The following CDC14A variants were observed in gnomAD, a reference collection of about 807,000 sequenced individuals.
CDC14A encodes cell division cycle 14A.
A neutral mutation model predicts 74.4 loss-of-function variants in CDC14A; 53 were observed. That is an observed-to-expected ratio of 0.71 (90% confidence interval 0.57 to 0.89). CDC14A has a LOEUF of 0.89. CDC14A is among the 40% of genes least tolerant of loss of function. The probability of loss-of-function intolerance (pLI) is 0.00; values close to 1 mark genes in which losing one functional copy is unlikely to be tolerated. For synonymous variants in CDC14A, 247 were observed against 258.4 expected (o/e 0.96, Z 0.43); for missense variants, 646 against 713.7 (o/e 0.91, Z 1.08).
In CDC14A at chr1:100,352,937, G is replaced by T. The variant is rs1227143337; in HGVS notation, c.-18G>T. On this transcript the variant is annotated 5_prime_UTR_variant, in exon 1 of 16. Coordinates refer to ENST00000336454, the MANE Select transcript of CDC14A (RefSeq NM_003672.4). Reference sequence around the variant, plus strand: ...GCTGGCCACGACCCAGCCCTCCCCCGTGCGTATCTCGCTTAAGATGGCAGC... The same window carrying T: ...GCTGGCCACGACCCAGCCCTCCCCCTTGCGTATCTCGCTTAAGATGGCAGC... 6.2e-7 allele frequency: 1 copy of T among 1,613,672 alleles called. No homozygotes were observed. Among genetic ancestry groups the T allele is most frequent in the Non-Finnish European group, 8.5e-7 (1 of 1,180,000 alleles).
rs1204201504 is a variant in CDC14A at position 100,455,499 on chromosome 1, T to G, written c.607+7T>G. ...AAAAGCAAAATTGAGAATGGTAGGT[T>G]TTTTTTTCCTTTACCATCCAAACAT... is the stretch of plus-strand genomic sequence containing the variant. On this transcript the variant is annotated splice_region_variant and intron_variant, in intron 8 of 15. Transcript: ENST00000336454. 6.7e-7 allele frequency: 1 copy of G among 1,491,074 alleles called. No individual in the cohort carries two copies. The highest frequency in any genetic ancestry group is 2.0e-5 in the Admixed American group (1 of 50,364). The allele number at this position is 1,491,074 out of a possible 1,614,324, so 92.4% of individuals were successfully genotyped here. A position where few individuals can be genotyped will look rare whatever the true frequency, so the allele number is the denominator to read the frequency against.
chr1:100,462,038 T>C (rs2101218979), intron 8 of CDC14A, among the ~76,000 whole-genome samples: 1 of 152,346 alleles, frequency 6.6e-6, no homozygotes, highest in East Asian at 1.9e-4. Context: ...TACTCCTTTC[T>C]AACTGAAATT....
chr1:100,391,074 G>GTAT, intron 4 of CDC14A: 1 of 472,406 alleles, frequency 2.1e-6, no homozygotes, highest in Non-Finnish European at 3.9e-6. Flanking sequence ...CAGTTATATA[G>GTAT]GTATTTTAAT....
chr1:100,345,755 C>A (rs1449061742), intron 1 of CDC14A, among the ~76,000 whole-genome samples: 2 of 152,176 alleles, frequency 1.3e-5, no homozygotes, highest in South Asian at 2.1e-4. Flanking sequence ...AATGTAAGAA[C>A]TGAGATGTAA....
In CDC14A at chr1:100,400,412, T is replaced by C. The variant is rs143806677; in HGVS notation, c.309+9588T>C. Among the ~76,000 whole-genome samples the C allele has an allele frequency of 2.6e-5, 4 of 152,298 alleles. No individual in the cohort carries two copies. In the East Asian group the frequency reaches 7.7e-4, roughly 29 times the overall value. Reference sequence around the variant, plus strand: ...CTTTAAATATTTATTGAACCAATAATATATTAGATGTCAGCTACTAGTGTT... The same window carrying C: ...CTTTAAATATTTATTGAACCAATAACATATTAGATGTCAGCTACTAGTGTT... On this transcript the variant is annotated intron_variant, in intron 4 of 15. Transcript: ENST00000336454.
At chr1:100,430,151 A>G (rs1043528075) in intron 5 of CDC14A, among the ~76,000 whole-genome samples, 2 of 152,234 alleles carry the variant, frequency 1.3e-5, no homozygotes, top group Non-Finnish European at 1.5e-5. Flanking sequence ...AACAAAAAAC[A>G]TCTCTTGGGA....
At chr1:100,417,223 A>G (rs1346930356) in intron 4 of CDC14A, among the ~76,000 whole-genome samples, 1 of 152,204 alleles carries the variant, frequency 6.6e-6, no homozygotes, top group Non-Finnish European at 1.5e-5. Context: ...AGGAGGTGGC[A>G]TCTAAACACT....
intron 4 of CDC14A, among the ~76,000 whole-genome samples, chr1:100,414,341 C>A (rs1661244114): frequency 1.3e-5 from 2 of 152,078 alleles, no homozygotes; most frequent in South Asian, 4.1e-4. Flanking sequence ...AAACAAAAAA[C>A]CGCATATTAT....
chr1:100,346,830 A>C (rs1013279268), intron 1 of CDC14A, among the ~76,000 whole-genome samples: 3 of 152,336 alleles, frequency 2.0e-5, no homozygotes, highest in Admixed American at 2.0e-4. Flanking sequence ...TGACTGCATT[A>C]GTCAAGAAGG....
chr1:100,350,972 T>C (rs1650912095), upstream of CDC14A, among the ~76,000 whole-genome samples: 1 of 152,202 alleles, frequency 6.6e-6, no homozygotes, highest in South Asian at 2.1e-4. Context: ...GCAGGGCGGA[T>C]TGCTTGTGCT....
intron 2 of CDC14A, among the ~76,000 whole-genome samples, chr1:100,361,140 A>G (rs916861550): frequency 6.6e-6 from 1 of 152,160 alleles, no homozygotes; most frequent in African/African-American, 2.4e-5. Flanking sequence ...CAAAAAAACT[A>G]AAAACTAAAA....
chr1:100,444,319 A>G (rs902663430), intron 7 of CDC14A, among the ~76,000 whole-genome samples: 6 of 152,144 alleles, frequency 3.9e-5, no homozygotes, highest in African/African-American at 7.2e-5. Flanking sequence ...ATAGTTCTCT[A>G]ACTGAGCACG....
chr1:100,418,791 A>C (rs1457098768), intron 4 of CDC14A, among the ~76,000 whole-genome samples: 1 of 152,160 alleles, frequency 6.6e-6, no homozygotes, highest in Non-Finnish European at 1.5e-5. Context: ...TTGAAGGGAA[A>C]ATTTTTTGTA....
chr1:100,394,760 T>C (rs996042056), intron 4 of CDC14A, among the ~76,000 whole-genome samples: 3 of 152,218 alleles, frequency 2.0e-5, no homozygotes, highest in African/African-American at 7.2e-5. Context: ...CCAGAGGGCT[T>C]TTTGACACAA....
rs192969083 is a variant in CDC14A at position 100,507,925 on chromosome 1, C to T, written c.1755+8663C>T. 2.9e-3 allele frequency among the ~76,000 whole-genome samples: 445 copies of T among 152,328 alleles called. 6 individuals are homozygous for T. Among genetic ancestry groups the T allele is most frequent in the Non-Finnish European group, 2.7e-3 (183 of 68,018 alleles). Reference sequence around the variant, plus strand: ...AAACTCCTTACCTCAGGTGATCTGCCTGCCTTGGCCTCCCAAAGTGCTGGG... The same window carrying T: ...AAACTCCTTACCTCAGGTGATCTGCTTGCCTTGGCCTCCCAAAGTGCTGGG... On this transcript the variant is annotated intron_variant, in intron 15 of 15. Transcript: ENST00000336454.
At chr1:100,440,055 G>C in intron 6 of CDC14A, 57 bp downstream of exon 6, 1 of 1,268,412 alleles carries the variant, frequency 7.9e-7, no homozygotes. Flanking sequence ...ATATGAGAAA[G>C]GAATAATCTC....
chr1:100,465,253 G>A (rs1199312212), intron 9 of CDC14A, among the ~76,000 whole-genome samples: 1 of 152,078 alleles, frequency 6.6e-6, no homozygotes, highest in Non-Finnish European at 1.5e-5. Context: ...GTGAGCCACC[G>A]TACCCAGTCT....
intron 9 of CDC14A, among the ~76,000 whole-genome samples, chr1:100,464,191 G>T (rs568120568): frequency 1.3e-5 from 2 of 152,212 alleles, no homozygotes; most frequent in Non-Finnish European, 2.9e-5. Flanking sequence ...TGAGCAGCAC[G>T]TGGCCTGGGT....
At chr1:100,382,151 A>G (rs983575710) in intron 3 of CDC14A, among the ~76,000 whole-genome samples, 7 of 151,386 alleles carry the variant, frequency 4.6e-5, no homozygotes, top group African/African-American at 1.5e-4. Flanking sequence ...GAAAAAGAAG[A>G]CTTTACTAAC....
Sources: allele counts gnomAD v4.1 joint callset (sites outside exome capture counted in the v4.1 genomes callset), GRCh38; gene constraint gnomAD v4.1.1; transcripts MANE v1.5; gene names NCBI Gene and HGNC (gene_info 2026-07-23, HGNC 2026-07-21).